Variants in ABTB3 observed in about 807,000 individuals in gnomAD.
The protein encoded by ABTB3 is ankyrin repeat and BTB domain containing 3.
At chr12:107,364,754 T>G in the ABTB3 span, among the ~76,000 whole-genome samples, 17 of 152,328 alleles carry the variant, frequency 1.1e-4, no homozygotes, top group African/African-American at 4.1e-4. Flanking sequence ...AGTATGTCTG[T>G]CACCATATGT....
the ABTB3 span, among the ~76,000 whole-genome samples, chr12:107,600,284 C>G: frequency 6.6e-6 from 1 of 152,172 alleles, no homozygotes; most frequent in Non-Finnish European, 1.5e-5. Flanking sequence ...CGCAATTTTT[C>G]TTCTGTAAAA....
chr12:107,391,365 G>A, the ABTB3 span, among the ~76,000 whole-genome samples: 12 of 152,202 alleles, frequency 7.9e-5, no homozygotes, highest in African/African-American at 1.9e-4. Flanking sequence ...TCATCAGGCC[G>A]GACCACCTCT....
the ABTB3 span, among the ~76,000 whole-genome samples, chr12:107,356,593 T>A: frequency 6.6e-6 from 1 of 152,200 alleles, no homozygotes; most frequent in Admixed American, 6.5e-5. Context: ...ATCACTTTGA[T>A]CCCTGATGGA....
chr12:107,402,973 A>G, the ABTB3 span, among the ~76,000 whole-genome samples: 42 of 152,310 alleles, frequency 2.8e-4, no homozygotes, highest in Admixed American at 5.9e-4. Context: ...GGACAGGAGT[A>G]CAGTAGTCAC....
chr12:107,470,241 A>C, the ABTB3 span, among the ~76,000 whole-genome samples: 4 of 151,800 alleles, frequency 2.6e-5, no homozygotes, highest in Admixed American at 6.6e-5. Flanking sequence ...GTTTCAGCAC[A>C]TTGGCCAGGC....
At chr12:107,553,720 C>A in the ABTB3 span, among the ~76,000 whole-genome samples, 1 of 152,162 alleles carries the variant, frequency 6.6e-6, no homozygotes, top group African/African-American at 2.4e-5. Context: ...AGGCAGATCA[C>A]TTGAGGGCAG....
chr12:107,527,418 T>C, the ABTB3 span, among the ~76,000 whole-genome samples: 1 of 152,052 alleles, frequency 6.6e-6, no homozygotes, highest in East Asian at 1.9e-4. Context: ...ACTACAGGCA[T>C]ACACCACCAT....
the ABTB3 span, among the ~76,000 whole-genome samples, chr12:107,362,735 G>A: frequency 6.6e-6 from 1 of 152,002 alleles, no homozygotes; most frequent in Admixed American, 6.6e-5. Flanking sequence ...TGAGGCTGCA[G>A]TGAACTATGA....
chr12:107,504,392 C>T, the ABTB3 span, among the ~76,000 whole-genome samples: 1 of 152,094 alleles, frequency 6.6e-6, no homozygotes, highest in Non-Finnish European at 1.5e-5. Flanking sequence ...CACACACACA[C>T]ACACACCCCT....
At chr12:107,393,337 G>GCACTT in the ABTB3 span, among the ~76,000 whole-genome samples, 17 of 149,488 alleles carry the variant, frequency 1.1e-4, no homozygotes, top group South Asian at 4.4e-4. Context: ...ATCAGGCAGG[G>GCACTT]TGGGGGTGGG....
At chr12:107,518,196 A>C in the ABTB3 span, among the ~76,000 whole-genome samples, 3 of 152,226 alleles carry the variant, frequency 2.0e-5, no homozygotes, top group Non-Finnish European at 4.4e-5. Context: ...TGTGGAAGAC[A>C]GTGTGGCGAT....
chr12:107,362,308 C>A, the ABTB3 span, among the ~76,000 whole-genome samples: 1 of 152,204 alleles, frequency 6.6e-6, no homozygotes, highest in Non-Finnish European at 1.5e-5. Flanking sequence ...GTAGCTGGCT[C>A]CCAAGGAGGA....
At chr12:107,648,727 C>G in the ABTB3 span, among the ~76,000 whole-genome samples, 2 of 152,108 alleles carry the variant, frequency 1.3e-5, no homozygotes, top group Admixed American at 6.5e-5. Context: ...GAGTCACCCT[C>G]TGGGACTTCA....
chr12:107,617,681 A>C, the ABTB3 span: 8 of 511,408 alleles, frequency 1.6e-5, 1 homozygote, highest in Non-Finnish European at 2.4e-5. Context: ...TCACAGAGAG[A>C]CATCACTCTT....
the ABTB3 span, chr12:107,618,246 C>T: frequency 6.8e-6 from 11 of 1,613,800 alleles, no homozygotes; most frequent in African/African-American, 1.3e-5. Context: ...GGGGACTGAC[C>T]TGGCGGAGAC....
chr12:107,538,618 G>A, the ABTB3 span, among the ~76,000 whole-genome samples: 2 of 152,182 alleles, frequency 1.3e-5, no homozygotes, highest in African/African-American at 4.8e-5. Context: ...CCAGGCCTCC[G>A]TTGTTGTTGA....
At chr12:107,642,296 A>T in the ABTB3 span, 1 of 798,318 alleles carries the variant, frequency 1.3e-6, no homozygotes, top group Admixed American at 2.3e-5. Context: ...AGTCTCCTGA[A>T]CTCCCGGCCC....
chr12:107,564,106 G>C, the ABTB3 span, among the ~76,000 whole-genome samples: 2 of 150,358 alleles, frequency 1.3e-5, no homozygotes, highest in Non-Finnish European at 3.0e-5. Flanking sequence ...GTGTGTGTGT[G>C]TGTGTGTGTG....
At chr12:107,620,724 C>G in the ABTB3 span, among the ~76,000 whole-genome samples, 3 of 152,222 alleles carry the variant, frequency 2.0e-5, no homozygotes, top group African/African-American at 7.2e-5. Context: ...ATGAACCTAG[C>G]TCTGACCCCT....
Sources: allele counts gnomAD v4.1 joint callset (sites outside exome capture counted in the v4.1 genomes callset), GRCh38; gene constraint gnomAD v4.1.1; transcripts MANE v1.5; gene names NCBI Gene and HGNC (gene_info 2026-07-23, HGNC 2026-07-21).